LRRC8A: variants seen among roughly 807,000 people sequenced by gnomAD.
The protein encoded by LRRC8A is leucine rich repeat containing 8 VRAC subunit A.
A neutral mutation model predicts 52.5 loss-of-function variants in LRRC8A; 24 were observed. The ratio of observed to expected loss-of-function variants is 0.46; its 90% CI spans 0.33 to 0.64. The LOEUF is 0.64. Among genes scored for constraint, LRRC8A ranks in the 30% least tolerant of loss-of-function variants. LRRC8A has a pLI of 0.02. For synonymous variants in LRRC8A, 492 were observed against 494.2 expected (o/e 1.00, Z 0.06); for missense variants, 677 against 1,094.7 (o/e 0.62, Z 5.38).
intron 2 of LRRC8A, among the ~76,000 whole-genome samples, chr9:128,896,712 TTTTC>T (rs762325280): frequency 3.9e-5 from 6 of 152,128 alleles, no homozygotes; most frequent in African/African-American, 9.7e-5. Flanking sequence ...ATCTTTTCTT[TTTTC>T]TTTCTTTCTT....
chr9:128,914,194 T>A (rs1193797578), intron 3 of LRRC8A, among the ~76,000 whole-genome samples: 1 of 150,404 alleles, frequency 6.6e-6, no homozygotes, highest in Non-Finnish European at 1.5e-5. Context: ...AGAGTGAGAC[T>A]CCGTCCCCCG....
At position 128,916,232 on chromosome 9, in the gene LRRC8A, G is replaced by A. The variant is rs377654430; in HGVS notation, c.2294G>A (p.Arg765Gln). ...ACGCAGATCGAGCTGCGGGGCAACC[G>A]GCTGGAGTGCCTGCCTGTGGAGCTG... ...NLTQIELRGN[R>Q]LECLPVELGE... The change falls in exon 4 of 4, where the codon CGG (arginine) becomes CAG (glutamine). Residue 765 changes from arginine (R) to glutamine (Q), a missense_variant. Physicochemically the swap from Arg to Gln is conservative, Grantham distance 43 (BLOSUM62 1). This residue lies in a region of LRRC8A where 169 missense variants were observed against 217.6 expected (regional missense o/e 0.78). Coordinates refer to ENST00000372600, the MANE Select transcript of LRRC8A (RefSeq NM_019594.4). This position sits in a 1 kb window ranked among gnomAD's most constrained non-coding sequence, Gnocchi z 6.1. The A allele has an allele frequency of 1.8e-5, 29 of 1,613,610 alleles. No homozygotes were observed. In the Admixed American group the frequency reaches 3.0e-4, roughly 17 times the overall value.
At chr9:128,910,100 G>C (rs1209572075) in intron 3 of LRRC8A, among the ~76,000 whole-genome samples, 1 of 152,016 alleles carries the variant, frequency 6.6e-6, no homozygotes, top group Non-Finnish European at 1.5e-5. Flanking sequence ...AGTGTGGATG[G>C]AGGGCTGGGT....
intron 3 of LRRC8A, among the ~76,000 whole-genome samples, chr9:128,912,312 C>A (rs12006335): frequency 2.0e-5 from 3 of 152,156 alleles, no homozygotes; most frequent in African/African-American, 7.2e-5. Flanking sequence ...AGTAACGAGG[C>A]AGTTAGCACA....
chr9:128,906,682 T>C (rs2131014169), intron 2 of LRRC8A, among the ~76,000 whole-genome samples: 1 of 152,290 alleles, frequency 6.6e-6, no homozygotes, highest in South Asian at 2.1e-4. Flanking sequence ...GCATGTTGCT[T>C]TCTTTCCTCA....
At chr9:128,883,633 G>A (rs1242300766) in intron 1 of LRRC8A, among the ~76,000 whole-genome samples, 13 of 152,188 alleles carry the variant, frequency 8.5e-5, no homozygotes, top group Non-Finnish European at 1.2e-4. Flanking sequence ...CAGGGCTTTG[G>A]CATGGGGTCT....
intron 1 of LRRC8A, chr9:128,885,385 C>T (rs1400649939): frequency 6.6e-6 from 1 of 152,238 alleles, no homozygotes; most frequent in African/African-American, 2.4e-5. Context: ...ACTCTCTCCT[C>T]CAGGTAAACA....
chr9:128,912,504 T>TC (rs1554823757), intron 3 of LRRC8A, among the ~76,000 whole-genome samples: 2 of 105,688 alleles, frequency 1.9e-5, no homozygotes, highest in African/African-American at 3.8e-5. Flanking sequence ...GGTGGGGCTA[T>TC]GGGGGGGGGT....
In LRRC8A at chr9:128,906,525, G is replaced by A. The variant is rs57931514; in HGVS notation, c.-8-632G>A. 7.9e-3 allele frequency among the ~76,000 whole-genome samples: 1,208 copies of A among 152,086 alleles called. 15 individuals carry two copies. The highest frequency in any genetic ancestry group is 0.028 in the African/African-American group (1,161 of 41,468). On this transcript the variant is annotated intron_variant, in intron 2 of 3. Transcript: ENST00000372600. The stretch of plus-strand genomic sequence containing the variant: ...TTTAGTAGAGACCGAGTTTCACCAT[G>A]TTGGCCAGGCTGGTCTTGAACTTCT...
At chr9:128,904,204 G>A (rs1256421086) in intron 2 of LRRC8A, among the ~76,000 whole-genome samples, 1 of 152,122 alleles carries the variant, frequency 6.6e-6, no homozygotes. Context: ...ACAGTGTAAA[G>A]TAAAAATTGA....
intron 3 of LRRC8A, among the ~76,000 whole-genome samples, chr9:128,913,166 TG>T (rs1840636050): frequency 6.6e-6 from 1 of 152,006 alleles, no homozygotes; most frequent in Non-Finnish European, 1.5e-5. Context: ...ACATGGGGCC[TG>T]GGGAGTTGGC....
intron 2 of LRRC8A, among the ~76,000 whole-genome samples, chr9:128,905,821 C>T (rs978635764): frequency 2.0e-5 from 3 of 151,818 alleles, no homozygotes; most frequent in Non-Finnish European, 2.9e-5. Context: ...TCCAGCCTGG[C>T]GACAGAGCAA....
intron 2 of LRRC8A, among the ~76,000 whole-genome samples, chr9:128,889,963 TG>T (rs2130941288): frequency 6.6e-6 from 1 of 151,902 alleles, no homozygotes; most frequent in East Asian, 1.9e-4. Flanking sequence ...CCACCACGCC[TG>T]GCTAATTTTT....
In LRRC8A at chr9:128,908,241, G is replaced by A. The variant is rs1053875486; in HGVS notation, c.1077G>A (p.Glu359=). ...ACTCGTTTGAGTCGATCCGTGAGGA[G>A]AGCAGCTACAGCGACATCCCCGACG... The part of the protein sequence containing the change: ...KKYSFESIRE[E]SSYSDIPDVK... Residue 359 remains glutamate, a synonymous_variant, in exon 3 of 4, where the codon GAG becomes GAA. Coordinates refer to ENST00000372600, the MANE Select transcript of LRRC8A (RefSeq NM_019594.4). The A allele has an allele frequency of 6.2e-7, 1 of 1,614,136 alleles. No individual in the cohort carries two copies.
At chr9:128,884,810 T>C (rs558878243) in intron 1 of LRRC8A, among the ~76,000 whole-genome samples, 1 of 152,106 alleles carries the variant, frequency 6.6e-6, no homozygotes, top group Non-Finnish European at 1.5e-5. Context: ...CGTGCCTATA[T>C]AGCTGTAGGT....
chr9:128,902,893 G>A lies in LRRC8A; in HGVS notation c.-8-4264G>A, dbSNP rs1036793523. The stretch of plus-strand genomic sequence containing the variant: ...CTGGAGCTGCCAGCCCAGGGCGGGC[G>A]GTGGTGTCTGCTGGCCCCTTTGTGA... On this transcript the variant is annotated intron_variant, in intron 2 of 3. Transcript: ENST00000372600. This position sits in a 1 kb window ranked among gnomAD's most constrained non-coding sequence, Gnocchi z 4.1. 1.3e-5 allele frequency among the ~76,000 whole-genome samples: 2 copies of A among 152,164 alleles called. No individual in the cohort carries two copies. The highest frequency in any genetic ancestry group is 2.1e-4 in the South Asian group (1 of 4,832).
intron 2 of LRRC8A, among the ~76,000 whole-genome samples, chr9:128,895,804 G>T: frequency 6.6e-6 from 1 of 152,246 alleles, no homozygotes; most frequent in East Asian, 1.9e-4. Context: ...TCCCCGCTGA[G>T]CCTTCGCCTG....
At chr9:128,891,543 A>G (rs1332922748) in intron 2 of LRRC8A, among the ~76,000 whole-genome samples, 1 of 152,212 alleles carries the variant, frequency 6.6e-6, no homozygotes, top group Non-Finnish European at 1.5e-5. Context: ...CCTCGGCGAC[A>G]GCGCAAGATC....
chr9:128,909,216 C>T lies in LRRC8A; in HGVS notation c.2052C>T (p.Cys684=), dbSNP rs1206853009. ...AGATCCCCACCCAGCTCTTCTACTG[C>T]CGCAAGCTGCGCTACCTGGACCTCA... ...IEKIPTQLFY[C]RKLRYLDLSH... The change falls in exon 3 of 4, where the codon TGC becomes TGT. Residue 684 remains cysteine (C), a synonymous_variant. Coordinates refer to ENST00000372600, the MANE Select transcript of LRRC8A (RefSeq NM_019594.4). 1 of 1,614,210 alleles carries T rather than the reference C, an allele frequency of 6.2e-7. No homozygotes were observed. The highest frequency in any genetic ancestry group is 8.5e-7 in the Non-Finnish European group (1 of 1,180,050).
Sources: allele counts gnomAD v4.1 joint callset (sites outside exome capture counted in the v4.1 genomes callset), GRCh38; gene constraint gnomAD v4.1.1; regional missense constraint gnomAD v4.1.1; non-coding constraint Gnocchi (gnomAD v3.1); transcripts MANE v1.5; gene names NCBI Gene and HGNC (gene_info 2026-07-23, HGNC 2026-07-21).